The following ANKFN1 variants were observed in gnomAD, a reference collection of about 807,000 sequenced individuals.
ANKFN1 encodes the protein ankyrin repeat and fibronectin type III domain containing 1, also known as ankyrin repeat and fibronectin type-III domain-containing protein 1.
Under a neutral mutation model 108.7 loss-of-function variants are expected in ANKFN1, and 74 were observed. The observed-to-expected ratio is 0.68, with a 90% CI of 0.56 to 0.83. The LOEUF is 0.83. Ranked by LOEUF, ANKFN1 falls within the 40% of genes least tolerant of loss-of-function variation. The pLI, the probability that ANKFN1 is intolerant of heterozygous loss-of-function variation, is 0.00. For synonymous variants in ANKFN1, 547 were observed against 516.2 expected, an observed-to-expected ratio of 1.06 and a Z score of -0.81; for missense variants, 1,505 against 1,382.3, an observed-to-expected ratio of 1.09 and a Z score of -1.41.
intron 11 of ANKFN1, among the ~76,000 whole-genome samples, chr17:56,453,567 A>T (rs1290951940): frequency 2.0e-5 from 3 of 152,106 alleles, no homozygotes; most frequent in Non-Finnish European, 4.4e-5. Flanking sequence ...CCAGTGTACA[A>T]CTGTCACCCT....
intron 2 of ANKFN1, among the ~76,000 whole-genome samples, chr17:56,220,808 G>GAGGA (rs1223599660): frequency 1.5e-5 from 1 of 66,878 alleles, no homozygotes; most frequent in Non-Finnish European, 2.6e-5. Flanking sequence ...GGGAGGGAGG[G>GAGGA]AGGAAGGAAG....
intron 4 of ANKFN1, among the ~76,000 whole-genome samples, chr17:56,120,496 G>C (rs1277855812): frequency 6.6e-6 from 1 of 152,012 alleles, no homozygotes; most frequent in African/African-American, 2.4e-5. Context: ...ATGGTCTTTG[G>C]CAATCTTGGA....
intron 8 of ANKFN1, among the ~76,000 whole-genome samples, chr17:56,440,119 T>C (rs1403309930): frequency 2.0e-5 from 3 of 152,238 alleles, no homozygotes; most frequent in African/African-American, 7.2e-5. Flanking sequence ...ATTATTCTTT[T>C]CTGCTCTTCT....
intron 3 of ANKFN1, among the ~76,000 whole-genome samples, chr17:56,278,878 A>G (rs1450229619): frequency 3.3e-5 from 5 of 152,238 alleles, no homozygotes. Flanking sequence ...TGAAACTACG[A>G]TATTTATTTT....
At chr17:56,155,027 C>T (rs9915240) in intron 1 of ANKFN1, among the ~76,000 whole-genome samples, 4 of 152,096 alleles carry the variant, frequency 2.6e-5, no homozygotes, top group Non-Finnish European at 1.5e-5. Flanking sequence ...TTATCTAAAG[C>T]CTTCATGCCC....
intron 20 of ANKFN1, among the ~76,000 whole-genome samples, chr17:56,501,212 A>T (rs1470579620): frequency 6.6e-6 from 1 of 152,234 alleles, no homozygotes; most frequent in Non-Finnish European, 1.5e-5. Flanking sequence ...CAGGGTAGAG[A>T]GCAAGACAGA....
chr17:56,494,814 A>G (rs1283029790), intron 19 of ANKFN1, among the ~76,000 whole-genome samples: 1 of 152,112 alleles, frequency 6.6e-6, no homozygotes, highest in Admixed American at 6.6e-5. Flanking sequence ...TTTCTGCCTT[A>G]TTCCACTTAT....
intron 4 of ANKFN1, among the ~76,000 whole-genome samples, chr17:56,344,372 C>T (rs2046041088): frequency 1.3e-5 from 2 of 151,974 alleles, no homozygotes; most frequent in South Asian, 4.1e-4. Context: ...TGATAAGCAT[C>T]CTAGTTTTTG....
chr17:56,291,475 A>T (rs1045907995), intron 3 of ANKFN1, among the ~76,000 whole-genome samples: 3 of 152,186 alleles, frequency 2.0e-5, no homozygotes, highest in Non-Finnish European at 2.9e-5. Context: ...TGATACCCAG[A>T]TGTCTAATAG....
chr17:56,064,437 C>T (rs1488714945), intron 4 of ANKFN1, among the ~76,000 whole-genome samples: 3 of 152,188 alleles, frequency 2.0e-5, no homozygotes, highest in Non-Finnish European at 4.4e-5. Flanking sequence ...CTGGAGTTAT[C>T]GGAGTCCCTG....
intron 3 of ANKFN1, among the ~76,000 whole-genome samples, chr17:56,236,494 T>G (rs9910554): frequency 0.13 from 19,161 of 152,166 alleles, 1,459 homozygotes; most frequent in African/African-American, 0.19. Flanking sequence ...TCTTGGCTTG[T>G]CTGTTGTTGG....
chr17:56,052,298 T>C (rs1233745698), intron 4 of ANKFN1, among the ~76,000 whole-genome samples: 2 of 152,128 alleles, frequency 1.3e-5, no homozygotes, highest in African/African-American at 2.4e-5. Flanking sequence ...AAGCACTGCT[T>C]TACAAAACTG....
At chr17:56,463,378 G>A (rs551823567) in intron 14 of ANKFN1, among the ~76,000 whole-genome samples, 1 of 152,080 alleles carries the variant, frequency 6.6e-6, no homozygotes, top group South Asian at 2.1e-4. Flanking sequence ...ATCTTACTGT[G>A]TAGTAATTTA....
intron 3 of ANKFN1, among the ~76,000 whole-genome samples, chr17:56,265,162 G>T (rs1406106671): frequency 1.3e-5 from 2 of 152,228 alleles, no homozygotes; most frequent in South Asian, 4.2e-4. Flanking sequence ...CAAGATTTGG[G>T]CAAACAGTGT....
chr17:56,362,666 A>G (rs753877353), intron 6 of ANKFN1, among the ~76,000 whole-genome samples: 9 of 152,204 alleles, frequency 5.9e-5, no homozygotes, highest in Non-Finnish European at 8.8e-5. Context: ...AATATAGGGG[A>G]GAAACTACAT....
chr17:56,117,834 G>A (rs1195977212), intron 4 of ANKFN1, among the ~76,000 whole-genome samples: 2 of 152,126 alleles, frequency 1.3e-5, no homozygotes, highest in South Asian at 2.1e-4. Flanking sequence ...CCATTTTAGA[G>A]CATCTTCATC....
chr17:56,121,071 ATC>A (rs1019971772), intron 4 of ANKFN1, among the ~76,000 whole-genome samples: 7 of 152,244 alleles, frequency 4.6e-5, no homozygotes, highest in African/African-American at 1.7e-4. Flanking sequence ...CTTTGATCAT[ATC>A]ACCACCCAGA....
intron 4 of ANKFN1, among the ~76,000 whole-genome samples, chr17:56,335,033 C>A (rs893277827): frequency 8.6e-5 from 13 of 152,034 alleles, no homozygotes; most frequent in African/African-American, 2.9e-4. Context: ...ATCAGATGGT[C>A]GTACATGTGT....
At chr17:56,479,358 C>T (rs999089872) in intron 16 of ANKFN1, among the ~76,000 whole-genome samples, 1 of 152,130 alleles carries the variant, frequency 6.6e-6, no homozygotes, top group Admixed American at 6.5e-5. Flanking sequence ...TAGGTTTATG[C>T]GTGCATATGC....
Sources: gnomAD v4.1 joint callset for allele counts (sites outside exome capture counted in the v4.1 genomes callset) on GRCh38, gnomAD v4.1.1 for gene constraint, MANE v1.5 for transcripts, NCBI Gene and HGNC (gene_info 2026-07-23, HGNC 2026-07-21) for gene names.